Variants in CDC42BPA observed in about 807,000 individuals in gnomAD.
CDC42BPA encodes the protein CDC42 binding protein kinase alpha.
Under a neutral mutation model 223.5 loss-of-function variants are expected in CDC42BPA, and 80 were observed. The ratio of observed to expected loss-of-function variants is 0.36; its 90% CI spans 0.30 to 0.43. The LOEUF (loss-of-function observed/expected upper bound fraction) is 0.43. Among genes scored for constraint, CDC42BPA ranks in the 20% least tolerant of loss-of-function variants. The probability of loss-of-function intolerance (pLI) is 1.00; values close to 1 mark genes in which losing one functional copy is unlikely to be tolerated. For missense variants in CDC42BPA, 1,743 were observed against 2,099.9 expected (o/e 0.83, Z 3.32); for synonymous variants, 694 against 718.6 (o/e 0.97, Z 0.55).
intron 1 of CDC42BPA, among the ~76,000 whole-genome samples, chr1:227,258,288 A>G (rs1252224896): frequency 6.6e-6 from 1 of 150,912 alleles, no homozygotes; most frequent in Admixed American, 6.6e-5. Context: ...ATATCACAAA[A>G]TCACAAAACA....
chr1:227,016,443 A>C (rs982895028), intron 33 of CDC42BPA, among the ~76,000 whole-genome samples: 1 of 152,202 alleles, frequency 6.6e-6, no homozygotes, highest in Non-Finnish European at 1.5e-5. Flanking sequence ...GACATCAAAG[A>C]AGCTCTACTT....
At chr1:227,171,439 C>T (rs1439507113) in intron 5 of CDC42BPA, among the ~76,000 whole-genome samples, 1 of 152,156 alleles carries the variant, frequency 6.6e-6, no homozygotes, top group Non-Finnish European at 1.5e-5. Context: ...TGAGCAACCT[C>T]ATCGCTACAA....
At chr1:227,230,812 C>CTTTTTTTTT (rs1309498246) in intron 2 of CDC42BPA, among the ~76,000 whole-genome samples, 103 of 111,738 alleles carry the variant, frequency 9.2e-4, no homozygotes, top group Non-Finnish European at 1.2e-3. Flanking sequence ...TTTCTTTTTT[C>CTTTTTTTTT]TTTCTTTCTT....
chr1:227,001,799 C>G (rs887999356), intron 35 of CDC42BPA, among the ~76,000 whole-genome samples: 1 of 151,646 alleles, frequency 6.6e-6, no homozygotes, highest in Admixed American at 6.6e-5. Flanking sequence ...CCCAGCTACT[C>G]GGGAGGCTGA....
chr1:227,270,448 T>A (rs1455837576), intron 1 of CDC42BPA, among the ~76,000 whole-genome samples: 2 of 152,002 alleles, frequency 1.3e-5, no homozygotes, highest in African/African-American at 4.8e-5. Context: ...CAAACCTGAG[T>A]TCAAGTCTAG....
chr1:227,122,964 A>T (rs1688919935), intron 11 of CDC42BPA, among the ~76,000 whole-genome samples: 1 of 152,248 alleles, frequency 6.6e-6, no homozygotes, highest in Non-Finnish European at 1.5e-5. Flanking sequence ...TAGCCATGAC[A>T]TTTAGATAAA....
At chr1:227,155,986 G>A (rs1181302812) in intron 6 of CDC42BPA, among the ~76,000 whole-genome samples, 1 of 152,064 alleles carries the variant, frequency 6.6e-6, no homozygotes, top group Non-Finnish European at 1.5e-5. Context: ...TGGGAAATAT[G>A]TAAGTAAATG....
At chr1:227,068,048 G>C (rs531901921) in intron 21 of CDC42BPA, among the ~76,000 whole-genome samples, 1 of 152,052 alleles carries the variant, frequency 6.6e-6, no homozygotes, top group East Asian at 1.9e-4. Flanking sequence ...ATTCAGGAGA[G>C]AAAGTGATAA....
At chr1:227,049,504 T>C (rs1009358932) in intron 22 of CDC42BPA, among the ~76,000 whole-genome samples, 7 of 152,116 alleles carry the variant, frequency 4.6e-5, no homozygotes, top group Non-Finnish European at 1.0e-4. Flanking sequence ...CAAATAGATC[T>C]ATACATTAAT....
intron 12 of CDC42BPA, 150 bp downstream of exon 12, chr1:227,119,654 C>G (rs1456794609): frequency 2.1e-6 from 1 of 480,954 alleles, no homozygotes; most frequent in Non-Finnish European, 3.4e-6. Flanking sequence ...AAATAACATA[C>G]ACCAAAATAA....
intron 3 of CDC42BPA, among the ~76,000 whole-genome samples, chr1:227,210,334 G>A (rs1196195030): frequency 6.6e-6 from 1 of 152,022 alleles, no homozygotes; most frequent in African/African-American, 2.4e-5. Context: ...GCATAATACT[G>A]ACCTCCAAAA....
At chr1:227,161,961 T>C (rs1663986252) in intron 5 of CDC42BPA, among the ~76,000 whole-genome samples, 1 of 152,206 alleles carries the variant, frequency 6.6e-6, no homozygotes, top group Non-Finnish European at 1.5e-5. Context: ...AAAGATCTGC[T>C]GTAGAGGAAA....
At chr1:227,199,426 G>T in intron 4 of CDC42BPA, 131 bp downstream of exon 4, 1 of 549,110 alleles carries the variant, frequency 1.8e-6, no homozygotes, top group Non-Finnish European at 3.2e-6. Context: ...CATATCAAGT[G>T]AACAACTTAC....
At chr1:226,999,472 A>G (rs1449243216) in intron 35 of CDC42BPA, among the ~76,000 whole-genome samples, 1 of 152,142 alleles carries the variant, frequency 6.6e-6, no homozygotes, top group Non-Finnish European at 1.5e-5. Flanking sequence ...CACCGCGCCC[A>G]GCCTAGGAAT....
chr1:227,171,484 G>A (rs1436217893), intron 5 of CDC42BPA, among the ~76,000 whole-genome samples: 2 of 152,024 alleles, frequency 1.3e-5, no homozygotes, highest in Admixed American at 6.6e-5. Context: ...AGTGGTCCAC[G>A]CCTGCGCTAG....
intron 22 of CDC42BPA, among the ~76,000 whole-genome samples, chr1:227,048,397 T>C (rs1362525830): frequency 6.6e-6 from 1 of 151,980 alleles, no homozygotes; most frequent in African/African-American, 2.4e-5. Context: ...TAATAAAATA[T>C]TTAGAAGATT....
intron 15 of CDC42BPA, 65 bp from the exon 16 acceptor site, chr1:227,092,056 T>A: frequency 1.1e-6 from 1 of 877,856 alleles, no homozygotes. Context: ...CTTGAAATTA[T>A]TTTTCCAATA....
Position 227,148,772 on chromosome 1 carries a change from C to CAAAAAAA in CDC42BPA, c.694-1220_694-1214dup, listed in dbSNP as rs57635319. On this transcript the variant is annotated intron_variant, in intron 6 of 36. Transcript: ENST00000366766. ...ACAGAGCAAGACTCGGTCTCAAAAG[C>CAAAAAAA]AAAAAAAAAAAAAAAAAAAAAAAAA... Among the ~76,000 whole-genome samples the CAAAAAAA allele has an allele frequency of 1.1e-3, 84 of 78,790 alleles. 5 individuals carry two copies. Among genetic ancestry groups the CAAAAAAA allele is most frequent in the African/African-American group, 2.8e-3 (50 of 17,852 alleles). The allele number at this position is 78,790 out of a possible 152,430, so 51.7% of individuals were successfully genotyped here.
At chr1:227,049,223 T>A in intron 22 of CDC42BPA, among the ~76,000 whole-genome samples, 1 of 150,752 alleles carries the variant, frequency 6.6e-6, no homozygotes, top group African/African-American at 2.4e-5. Flanking sequence ...AGTCCAAAGG[T>A]TATTAGAATT....
Sources: allele counts gnomAD v4.1 joint callset (sites outside exome capture counted in the v4.1 genomes callset), GRCh38; gene constraint gnomAD v4.1.1; transcripts MANE v1.5; gene names NCBI Gene and HGNC (gene_info 2026-07-23, HGNC 2026-07-21).